Variants in NID1 observed in about 807,000 individuals in gnomAD.
NID1 encodes the protein nidogen-1.
NID1 carries 76 observed loss-of-function variants against 130.6 expected under a neutral mutation model. The observed-to-expected ratio is 0.58, with a 90% CI of 0.48 to 0.70. NID1 has a LOEUF of 0.70. Among genes scored for constraint, NID1 ranks in the 30% least tolerant of loss-of-function variants. NID1 has a pLI of 0.00. For synonymous variants in NID1, 665 were observed against 675.1 expected (o/e 0.98, Z 0.23); for missense variants, 1,517 against 1,664.8 (o/e 0.91, Z 1.54).
chr1:235,993,721 G>T lies in NID1; in HGVS notation c.2679C>A (p.Thr893=). The T allele has an allele frequency of 6.2e-7, 1 of 1,610,916 alleles. No homozygotes were observed. The highest frequency in any genetic ancestry group is 8.5e-7 in the Non-Finnish European group (1 of 1,178,158). Residue 893 remains threonine, a synonymous_variant, in exon 13 of 20, where the codon ACC becomes ACA. Transcript: ENST00000264187. ...CGCGATCCACGCACCAGCAGTAGCC[G>T]GTGCTGCCGTGGCACTGGGTGGGCG... ...HYAPTQCHGS[T]GYCWCVDRDG... is the part of the protein sequence containing the mutation.
chr1:236,060,235 A>G (rs1660003694), intron 1 of NID1, among the ~76,000 whole-genome samples: 1 of 152,086 alleles, frequency 6.6e-6, no homozygotes, highest in South Asian at 2.1e-4. Context: ...CCCTTTTTAG[A>G]CCATATAGGG....
intron 14 of NID1, among the ~76,000 whole-genome samples, chr1:235,989,749 G>A (rs2102798086): frequency 6.6e-6 from 1 of 152,370 alleles, no homozygotes; most frequent in South Asian, 2.1e-4. Flanking sequence ...CTCTCTGAGA[G>A]ATGATGTTTT....
intron 1 of NID1, among the ~76,000 whole-genome samples, chr1:236,054,515 CCT>C (rs1184261862): frequency 6.6e-6 from 1 of 152,052 alleles, no homozygotes; most frequent in Admixed American, 6.6e-5. Context: ...TTGTCTGGGC[CCT>C]GATTTAAACC....
At chr1:236,027,466 G>A (rs561877669) in intron 7 of NID1, among the ~76,000 whole-genome samples, 40 of 152,184 alleles carry the variant, frequency 2.6e-4, no homozygotes, top group South Asian at 2.1e-4. Flanking sequence ...AGCTCCCCAG[G>A]AGAACTCAAC....
intron 12 of NID1, among the ~76,000 whole-genome samples, chr1:236,000,073 G>T (rs1007513909): frequency 2.0e-5 from 3 of 152,146 alleles, no homozygotes; most frequent in African/African-American, 4.8e-5. Flanking sequence ...AATTAGCTGG[G>T]CGTGGTGATG....
rs148665567 is a variant in NID1, at chr1:236,013,477, T to G, written c.2338A>C (p.Thr780Pro). 3,328 of 1,614,094 alleles carry G rather than the reference T, an allele frequency of 2.1e-3. 12 individuals carry two copies. The highest frequency in any genetic ancestry group is 5.3e-3 in the Middle Eastern group (32 of 6,054). Reference protein sequence around the residue: ...DIPQRAQCIYTGGSSYTCSCL... With the variant: ...DIPQRAQCIYPGGSSYTCSCL... Reference sequence around the variant, plus strand: ...GAACAGGTGTAGGAGGAGCCTCCTGTGTAGATACACTGGGCCCGCTGGGGT... The same window carrying G: ...GAACAGGTGTAGGAGGAGCCTCCTGGGTAGATACACTGGGCCCGCTGGGGT... The change falls in exon 11 of 20, where the codon ACA becomes CCA. Residue 780 changes from threonine to proline, a missense_variant. Thr to Pro is a conservative substitution (Grantham distance 38). Coordinates refer to ENST00000264187, the MANE Select transcript of NID1 (RefSeq NM_002508.3).
chr1:236,064,809 C>T (rs748750081), intron 1 of NID1, 46 bp downstream of exon 1: 10 of 1,552,436 alleles, frequency 6.4e-6, no homozygotes, highest in East Asian at 2.4e-5. Context: ...GCCCCCGGCC[C>T]GCCGCGCCCT....
intron 2 of NID1, among the ~76,000 whole-genome samples, chr1:236,047,427 C>T (rs1474394894): frequency 1.3e-5 from 2 of 152,080 alleles, no homozygotes; most frequent in Non-Finnish European, 2.9e-5. Flanking sequence ...AAGGGAAAAT[C>T]GAGGCCTGTC....
rs766896926 is a variant in NID1 at position 235,993,858 on chromosome 1, G to A, written c.2542C>T (p.Arg848Trp). 14 of 1,612,086 alleles carry A rather than the reference G, an allele frequency of 8.7e-6. No individual in the cohort carries two copies. Among genetic ancestry groups the A allele is most frequent in the Middle Eastern group, 1.7e-4 (1 of 6,050 alleles). The change falls in exon 13 of 20, where the codon CGG (arginine) becomes TGG (tryptophan). Residue 848 changes from arginine to tryptophan, a missense_variant. By Grantham distance (101) the Arg-to-Trp change is moderately radical. Transcript: ENST00000264187. ...ATGTGTTCTCGCTCGTGCTGGCACC[G>A]GGTTTTCTCCACCTCTATCAGAGAA... ...RCVPGEVEKT[R>W]CQHEREHILG...
chr1:235,981,200 G>A (rs1301931617), intron 16 of NID1, among the ~76,000 whole-genome samples: 3 of 152,216 alleles, frequency 2.0e-5, no homozygotes, highest in Admixed American at 6.5e-5. Flanking sequence ...AAGCATGGAT[G>A]TGCCGAAGAA....
At chr1:236,060,299 T>C (rs1048984760) in intron 1 of NID1, among the ~76,000 whole-genome samples, 5 of 151,836 alleles carry the variant, frequency 3.3e-5, no homozygotes, top group African/African-American at 1.2e-4. Flanking sequence ...CTGGTGAGAG[T>C]GTAGTAGTGA....
chr1:235,993,958 C>T (rs1346015314), intron 12 of NID1, 86 bp from the exon 13 acceptor site: 3 of 1,268,304 alleles, frequency 2.4e-6, no homozygotes, highest in Non-Finnish European at 3.3e-6. Context: ...CCCCGCAGCT[C>T]GCTCAGAACC....
rs1471532407 is a variant in NID1, at chr1:235,977,763, C to T, written c.*104G>A. The T allele has an allele frequency of 5.1e-6, 7 of 1,365,102 alleles. No individual in the cohort carries two copies. The highest frequency in any genetic ancestry group is 7.2e-6 in the Non-Finnish European group (7 of 978,734). The allele number at this position is 1,365,102 out of a possible 1,614,324, so 84.6% of individuals were successfully genotyped here. On this transcript the variant is annotated 3_prime_UTR_variant, in exon 20 of 20. Transcript: ENST00000264187. Reference sequence around the variant, plus strand: ...GGGCTCAGGCTGGGCTGGGTCTGGGCCTAGTGGCCACTCAGCCAGAGGACA... The same window carrying T: ...GGGCTCAGGCTGGGCTGGGTCTGGGTCTAGTGGCCACTCAGCCAGAGGACA...
intron 5 of NID1, among the ~76,000 whole-genome samples, chr1:236,036,070 T>C (rs1023325855): frequency 6.6e-6 from 1 of 152,304 alleles, no homozygotes; most frequent in Middle Eastern, 3.4e-3. Context: ...AAACACAAAC[T>C]GTTCAGCATT....
intron 1 of NID1, among the ~76,000 whole-genome samples, chr1:236,057,718 GGAAA>G (rs1235716480): frequency 2.9e-5 from 4 of 137,898 alleles, no homozygotes; most frequent in East Asian, 2.1e-4. Context: ...AAAGAAAGAC[GGAAA>G]GAAAGAAAGA....
In NID1 at chr1:235,979,118, C is replaced by G; in HGVS notation, c.3510-11G>C. ...GCAACCACGGAATTCCTACAAAGCA[C>G]CAAAGGGCAGAAGGTGAAAACACAT... is the stretch of plus-strand genomic sequence containing the variant. On this transcript the variant is annotated splice_polypyrimidine_tract_variant and intron_variant, in intron 18 of 19. Coordinates refer to ENST00000264187, the MANE Select transcript of NID1 (RefSeq NM_002508.3). The surrounding 1 kb of genome is among the most constrained non-coding windows in gnomAD (Gnocchi z 4.6). The G allele has an allele frequency of 6.4e-7, 1 of 1,566,534 alleles. No individual in the cohort carries two copies. Among genetic ancestry groups the G allele is most frequent in the Non-Finnish European group, 8.8e-7 (1 of 1,136,736 alleles).
At chr1:236,015,703 G>A (rs940548243) in intron 10 of NID1, among the ~76,000 whole-genome samples, 3 of 148,726 alleles carry the variant, frequency 2.0e-5, no homozygotes, top group African/African-American at 7.4e-5. Flanking sequence ...ACAAGAGCCT[G>A]CCCACAGCTG....
intron 12 of NID1, among the ~76,000 whole-genome samples, chr1:236,007,974 G>A (rs1658297071): frequency 6.6e-6 from 1 of 152,104 alleles, no homozygotes; most frequent in African/African-American, 2.4e-5. Flanking sequence ...ATTTTACTCA[G>A]CATCCCAGTA....
Position 235,979,930 on chromosome 1 carries a change from T to C in NID1, c.3401A>G (p.Glu1134Gly), listed in dbSNP as rs1558419078. 6.2e-6 allele frequency: 10 copies of C among 1,614,000 alleles called. No homozygotes were observed. The highest frequency in any genetic ancestry group is 8.5e-6 in the Non-Finnish European group (10 of 1,180,000). The change falls in exon 18 of 20, where the codon GAA (glutamate) becomes GGA (glycine). Residue 1134 changes from glutamate to glycine, a missense_variant. By Grantham distance (98) the Glu-to-Gly change is moderately conservative. Coordinates refer to ENST00000264187, the MANE Select transcript of NID1 (RefSeq NM_002508.3). The surrounding 1 kb of genome is among the most constrained non-coding windows in gnomAD (Gnocchi z 4.6). Reference protein sequence around the residue: ...CWVDAGTNRAECLNPSQPSRR... With the variant: ...CWVDAGTNRAGCLNPSQPSRR... Reference sequence around the variant, plus strand: ...GCTGGGCTGACTGGGGTTCAGGCATTCCGCCCGATTGGTGCCTGTGTGGAG... The same window carrying C: ...GCTGGGCTGACTGGGGTTCAGGCATCCCGCCCGATTGGTGCCTGTGTGGAG...
Sources: gnomAD v4.1 joint callset for allele counts (sites outside exome capture counted in the v4.1 genomes callset) on GRCh38, gnomAD v4.1.1 for gene constraint, Gnocchi (gnomAD v3.1) non-coding constraint, MANE v1.5 for transcripts, NCBI Gene and HGNC (gene_info 2026-07-23, HGNC 2026-07-21) for gene names.